The following CDKAL1 variants were observed in gnomAD, a reference collection of about 807,000 sequenced individuals.
CDKAL1 encodes the protein threonylcarbamoyladenosine tRNA methylthiotransferase.
In CDKAL1, 32 loss-of-function variants were observed where a neutral mutation model predicts 68.2. That is an observed-to-expected ratio of 0.47 (90% confidence interval 0.35 to 0.63). The LOEUF (loss-of-function observed/expected upper bound fraction) is 0.63. CDKAL1 is among the 30% of genes least tolerant of loss of function. The pLI is 0.00. For missense variants in CDKAL1, 606 were observed against 696.7 expected (o/e 0.87, Z 1.47); for synonymous variants, 234 against 244.3 (o/e 0.96, Z 0.39).
chr6:20,727,766 A>G (rs1302944536), intron 5 of CDKAL1, among the ~76,000 whole-genome samples: 1 of 152,094 alleles, frequency 6.6e-6, no homozygotes, highest in Non-Finnish European at 1.5e-5. Flanking sequence ...ATAGTGGCAT[A>G]TTTTTGGATG....
intron 10 of CDKAL1, among the ~76,000 whole-genome samples, chr6:20,990,519 G>T (rs1766737063): frequency 6.6e-6 from 1 of 152,186 alleles, no homozygotes; most frequent in Non-Finnish European, 1.5e-5. Context: ...ACTCTTAGCA[G>T]TTTAGAAGAG....
At chr6:20,927,594 G>A (rs1379482877) in intron 9 of CDKAL1, among the ~76,000 whole-genome samples, 1 of 152,182 alleles carries the variant, frequency 6.6e-6, no homozygotes, top group Admixed American at 6.5e-5. Context: ...CGGTGGACAG[G>A]AAGATGTATC....
At chr6:20,708,697 C>T (rs1176769757) in intron 5 of CDKAL1, among the ~76,000 whole-genome samples, 1 of 152,128 alleles carries the variant, frequency 6.6e-6, no homozygotes, top group Non-Finnish European at 1.5e-5. Context: ...CTATTTAAAT[C>T]TCCATTTCTT....
chr6:20,798,818 C>T (rs1289171768), intron 8 of CDKAL1, among the ~76,000 whole-genome samples: 2 of 147,926 alleles, frequency 1.4e-5, no homozygotes, highest in African/African-American at 2.5e-5. Context: ...ACGTAAATGA[C>T]GAGTTAATGG....
At chr6:20,618,886 C>A (rs1412337947) in intron 4 of CDKAL1, among the ~76,000 whole-genome samples, 1 of 152,108 alleles carries the variant, frequency 6.6e-6, no homozygotes, top group Non-Finnish European at 1.5e-5. Context: ...GTCATGTTGC[C>A]TGGGCTGGTC....
intron 11 of CDKAL1, among the ~76,000 whole-genome samples, chr6:21,007,418 G>T (rs761495281): frequency 7.0e-6 from 1 of 141,852 alleles, no homozygotes; most frequent in Non-Finnish European, 1.5e-5. Flanking sequence ...GGGAGGCAGA[G>T]GCTACCATGA....
rs1185802156 is a variant in CDKAL1 at position 20,649,337 on chromosome 6, G to A, written c.331G>A (p.Val111Ile). 6 of 1,607,026 alleles carry A rather than the reference G, an allele frequency of 3.7e-6. No individual in the cohort carries two copies. Among genetic ancestry groups the A allele is most frequent in the Non-Finnish European group, 5.1e-6 (6 of 1,178,216 alleles). Residue 111 changes from valine to isoleucine, a missense_variant, in exon 5 of 16, where the codon GTA becomes ATA. Transcript: ENST00000274695. ...ADLWLLNSCT[V>I]KNPAEDHFRN... ...TTTATGGCTCCTGAACAGTTGCACTGTAAAAAACCCAGCTGAAGACCACTT... is the reference window on the plus strand; with the variant it reads ...TTTATGGCTCCTGAACAGTTGCACTATAAAAAACCCAGCTGAAGACCACTT...
chr6:20,884,968 A>G (rs1165481727), intron 9 of CDKAL1, among the ~76,000 whole-genome samples: 1 of 152,156 alleles, frequency 6.6e-6, no homozygotes, highest in Admixed American at 6.5e-5. Context: ...CTCTTAAAAA[A>G]GAAAAAAAAA....
At chr6:20,575,550 A>G (rs1459631743) in intron 4 of CDKAL1, among the ~76,000 whole-genome samples, 1 of 151,928 alleles carries the variant, frequency 6.6e-6, no homozygotes, top group East Asian at 1.9e-4. Flanking sequence ...CTCATAATCT[A>G]TCAGAATTGA....
chr6:21,190,772 T>C (rs1176045753), intron 13 of CDKAL1, among the ~76,000 whole-genome samples: 1 of 152,258 alleles, frequency 6.6e-6, no homozygotes, highest in Non-Finnish European at 1.5e-5. Flanking sequence ...TTAACACCAT[T>C]TTCAAGAAAC....
chr6:20,958,977 C>A (rs73735036), intron 10 of CDKAL1, among the ~76,000 whole-genome samples: 1 of 151,980 alleles, frequency 6.6e-6, no homozygotes, highest in East Asian at 1.9e-4. Flanking sequence ...AAAAGTATGC[C>A]GGGGAAAGAT....
chr6:20,999,303 T>C (rs1181308151), intron 10 of CDKAL1, among the ~76,000 whole-genome samples: 2 of 152,096 alleles, frequency 1.3e-5, no homozygotes, highest in Admixed American at 1.3e-4. Flanking sequence ...CCTCCCTCTC[T>C]TTCAAATCGA....
At chr6:21,191,985 CA>C (rs1562104775) in intron 13 of CDKAL1, among the ~76,000 whole-genome samples, 19 of 21,456 alleles carry the variant, frequency 8.9e-4, no homozygotes, top group African/African-American at 3.0e-3. Context: ...TTTTATAATT[CA>C]TTTTTCTTTT....
intron 13 of CDKAL1, among the ~76,000 whole-genome samples, chr6:21,126,158 T>A (rs1305371286): frequency 6.6e-6 from 1 of 152,250 alleles, no homozygotes; most frequent in Non-Finnish European, 1.5e-5. Context: ...GTTTCCACAG[T>A]ATTTCCATAT....
At chr6:21,015,838 C>T (rs977024860) in intron 11 of CDKAL1, among the ~76,000 whole-genome samples, 2 of 151,686 alleles carry the variant, frequency 1.3e-5, no homozygotes, top group African/African-American at 4.8e-5. Flanking sequence ...ATCCCAGCTA[C>T]TCAGGAGGCT....
intron 4 of CDKAL1, among the ~76,000 whole-genome samples, chr6:20,607,317 G>C (rs957946144): frequency 6.6e-6 from 1 of 152,046 alleles, no homozygotes; most frequent in Non-Finnish European, 1.5e-5. Context: ...AGCCATACGT[G>C]TTTCTAAATA....
At chr6:21,198,361 G>T (rs546245618) in intron 14 of CDKAL1, among the ~76,000 whole-genome samples, 7 of 152,146 alleles carry the variant, frequency 4.6e-5, no homozygotes, top group Admixed American at 6.5e-5. Flanking sequence ...GCTTTTGGGC[G>T]TTTGGAACCA....
chr6:20,600,960 C>T (rs1488975983), intron 4 of CDKAL1, among the ~76,000 whole-genome samples: 1 of 151,956 alleles, frequency 6.6e-6, no homozygotes, highest in Non-Finnish European at 1.5e-5. Flanking sequence ...ACTATCAAGT[C>T]TGGCATGTTT....
intron 1 of CDKAL1, chr6:20,534,958 C>G (rs1308868989): frequency 6.6e-6 from 1 of 152,148 alleles, no homozygotes; most frequent in East Asian, 1.9e-4. Flanking sequence ...AAGCAGGTGT[C>G]TTGCTTTTTC....
Sources: gnomAD v4.1 joint callset for allele counts (sites outside exome capture counted in the v4.1 genomes callset) on GRCh38, gnomAD v4.1.1 for gene constraint, MANE v1.5 for transcripts, NCBI Gene and HGNC (gene_info 2026-07-23, HGNC 2026-07-21) for gene names.